Variants in FNBP1L observed in about 807,000 individuals in gnomAD.
FNBP1L encodes formin-binding protein 1-like.
FNBP1L carries 36 observed loss-of-function variants against 91.2 expected under a neutral mutation model. The observed-to-expected ratio is 0.39, with a 90% confidence interval of 0.30 to 0.52. FNBP1L has a LOEUF of 0.52. FNBP1L is among the 20% of genes least tolerant of loss of function. FNBP1L has a pLI of 0.66. For synonymous variants in FNBP1L, 242 were observed against 237.0 expected (o/e 1.02, Z -0.19); for missense variants, 571 against 732.1 (o/e 0.78, Z 2.54).
chr1:93,510,147 C>T (rs891945970), intron 2 of FNBP1L, among the ~76,000 whole-genome samples: 2 of 152,220 alleles, frequency 1.3e-5, no homozygotes, highest in Non-Finnish European at 2.9e-5. Context: ...GTAGGCTCCA[C>T]CTCTGGGGGC....
At chr1:93,456,880 A>C (rs1668687130) in intron 1 of FNBP1L, among the ~76,000 whole-genome samples, 1 of 152,014 alleles carries the variant, frequency 6.6e-6, no homozygotes, top group Non-Finnish European at 1.5e-5. Context: ...AATATATGCC[A>C]ATTGCTTTTC....
At position 93,551,945 on chromosome 1, in the gene FNBP1L, C is replaced by A. The variant is rs146199562; in HGVS notation, c.1811-464C>A. 5,806 of 986,606 alleles carry A rather than the reference C, an allele frequency of 5.9e-3. 50 individuals are homozygous for A. The highest frequency in any genetic ancestry group is 0.027 in the African/African-American group (1,562 of 57,390). The allele number at this position is 986,606 out of a possible 1,614,324, so 61.1% of individuals were successfully genotyped here. A position where few individuals can be genotyped will look rare whatever the true frequency, so the allele number is the denominator to read the frequency against. On this transcript the variant is annotated intron_variant, in intron 16 of 16. Coordinates refer to ENST00000271234, the MANE Select transcript of FNBP1L (RefSeq NM_001164473.3). ...TTACACATAGGAAAATACACAGTTA[C>A]ATAGAAAAATACACATTTGAAGATA...
chr1:93,478,759 A>G (rs1192548246), intron 1 of FNBP1L, among the ~76,000 whole-genome samples: 1 of 152,204 alleles, frequency 6.6e-6, no homozygotes, highest in African/African-American at 2.4e-5. Context: ...GGAAATTACA[A>G]ATATTGAAAG....
chr1:93,493,597 C>A (rs955208710), intron 1 of FNBP1L, among the ~76,000 whole-genome samples: 1 of 152,090 alleles, frequency 6.6e-6, no homozygotes, highest in Non-Finnish European at 1.5e-5. Flanking sequence ...GTAAGTACCT[C>A]GTGTAGGTGG....
chr1:93,541,919 T>G (rs1047025255), intron 11 of FNBP1L, among the ~76,000 whole-genome samples: 2 of 152,146 alleles, frequency 1.3e-5, no homozygotes, highest in Non-Finnish European at 2.9e-5. Flanking sequence ...TTCATAAATT[T>G]GAGAACAGGG....
chr1:93,459,409 G>A (rs536844618), intron 1 of FNBP1L, among the ~76,000 whole-genome samples: 2 of 152,226 alleles, frequency 1.3e-5, no homozygotes, highest in Admixed American at 1.3e-4. Flanking sequence ...AAAAAAATGG[G>A]CTGAGGACCT....
chr1:93,480,344 C>A (rs747782384), intron 1 of FNBP1L, among the ~76,000 whole-genome samples: 1 of 152,148 alleles, frequency 6.6e-6, no homozygotes, highest in African/African-American at 2.4e-5. Context: ...CTTGCCATAG[C>A]GAGTGGAAAG....
chr1:93,544,492 C>G (rs1025774450), intron 12 of FNBP1L, among the ~76,000 whole-genome samples: 1 of 152,076 alleles, frequency 6.6e-6, no homozygotes, highest in Non-Finnish European at 1.5e-5. Context: ...TTCATCAGCA[C>G]TACCTCTTAT....
At chr1:93,457,393 G>A (rs1668706715) in intron 1 of FNBP1L, among the ~76,000 whole-genome samples, 1 of 152,142 alleles carries the variant, frequency 6.6e-6, no homozygotes, top group Admixed American at 6.5e-5. Context: ...TAGAATTTGT[G>A]TTTTCTTCTG....
chr1:93,510,548 C>T (rs1254225311), intron 2 of FNBP1L, among the ~76,000 whole-genome samples: 7 of 152,064 alleles, frequency 4.6e-5, no homozygotes, highest in South Asian at 2.1e-4. Flanking sequence ...AAAAGCAGAG[C>T]GCCTCTCCTC....
chr1:93,541,068 G>C lies in FNBP1L; in HGVS notation c.1164+12G>C. ...GGTCGGTGAAGATGGTAAGCCTTAT[G>C]TGCTGATCTATATACTGTGCCAACA... On this transcript the variant is annotated intron_variant, in intron 11 of 16. Transcript: ENST00000271234. 1 of 1,535,948 alleles carries C rather than the reference G, an allele frequency of 6.5e-7. No homozygotes were observed. Among genetic ancestry groups the C allele is most frequent in the Non-Finnish European group, 8.7e-7 (1 of 1,145,978 alleles).
At chr1:93,487,409 A>G (rs1183766226) in intron 1 of FNBP1L, among the ~76,000 whole-genome samples, 2 of 152,026 alleles carry the variant, frequency 1.3e-5, no homozygotes, top group Non-Finnish European at 2.9e-5. Flanking sequence ...GTAAATTTCA[A>G]CTCTTACAGT....
intron 2 of FNBP1L, among the ~76,000 whole-genome samples, chr1:93,510,715 T>G (rs1328130004): frequency 6.6e-6 from 1 of 152,058 alleles, no homozygotes; most frequent in African/African-American, 2.4e-5. Context: ...GAAAAAAATT[T>G]AGAAGAATGT....
intron 1 of FNBP1L, among the ~76,000 whole-genome samples, chr1:93,471,697 A>C (rs946810892): frequency 6.6e-6 from 1 of 152,202 alleles, no homozygotes; most frequent in Non-Finnish European, 1.5e-5. Flanking sequence ...TGCCTCAAAA[A>C]ACAAAAGCAA....
At chr1:93,510,349 C>CT (rs1670786969) in intron 2 of FNBP1L, among the ~76,000 whole-genome samples, 2 of 152,304 alleles carry the variant, frequency 1.3e-5, no homozygotes, top group Non-Finnish European at 2.9e-5. Context: ...CAGGGGCAGA[C>CT]TGACACCTCA....
chr1:93,453,289 T>C (rs1668554701), intron 1 of FNBP1L, among the ~76,000 whole-genome samples: 1 of 152,216 alleles, frequency 6.6e-6, no homozygotes, highest in African/African-American at 2.4e-5. Context: ...GATATCTGTT[T>C]ATGTCACCAT....
rs112677870 is a variant in FNBP1L at position 93,476,330 on chromosome 1, C to T, written c.25-23138C>T. On this transcript the variant is annotated intron_variant, in intron 1 of 16. Transcript: ENST00000271234. ...CTGGTAAACCCTGAGCCTTACTTTC[C>T]ATGTTTGTATAATAATAGGAGTAAT... Among the ~76,000 whole-genome samples, 379 of 152,172 alleles carry T rather than the reference C, an allele frequency of 2.5e-3. 4 individuals carry two copies. The highest frequency in any genetic ancestry group is 8.1e-3 in the African/African-American group (337 of 41,528).
At chr1:93,541,156 T>G in intron 11 of FNBP1L, 100 bp downstream of exon 11, 1 of 1,141,216 alleles carries the variant, frequency 8.8e-7, no homozygotes, top group South Asian at 1.4e-5. Flanking sequence ...CATCCCACGT[T>G]TTCACCTTGT....
intron 1 of FNBP1L, among the ~76,000 whole-genome samples, chr1:93,476,067 T>A (rs1488997358): frequency 6.6e-6 from 1 of 152,226 alleles, no homozygotes; most frequent in Non-Finnish European, 1.5e-5. Flanking sequence ...CCTTTTGCAA[T>A]GTTTATACCT....
Sources: allele counts gnomAD v4.1 joint callset (sites outside exome capture counted in the v4.1 genomes callset), GRCh38; gene constraint gnomAD v4.1.1; transcripts MANE v1.5; gene names NCBI Gene and HGNC (gene_info 2026-07-23, HGNC 2026-07-21).